SORBS2: variants seen among roughly 807,000 people sequenced by gnomAD.
SORBS2 encodes the protein sorbin and SH3 domain-containing protein 2.
Under a neutral mutation model 97.7 loss-of-function variants are expected in SORBS2, and 46 were observed. That is an observed-to-expected ratio of 0.47 (90% confidence interval 0.37 to 0.60). The LOEUF is 0.60. Among genes scored for constraint, SORBS2 ranks in the 20% least tolerant of loss-of-function variants. SORBS2 has a pLI of 0.00. For synonymous variants in SORBS2, 476 were observed against 473.4 expected, an observed-to-expected ratio of 1.01 and a Z score of -0.07; for missense variants, 1,316 against 1,282.3, an observed-to-expected ratio of 1.03 and a Z score of -0.40.
At chr4:185,844,825 A>G (rs578192204) in intron 1 of SORBS2, among the ~76,000 whole-genome samples, 1 of 152,310 alleles carries the variant, frequency 6.6e-6, no homozygotes, top group South Asian at 2.1e-4. Flanking sequence ...AACCTTGAGA[A>G]CTTATGCTAA....
intron 2 of SORBS2, among the ~76,000 whole-genome samples, chr4:185,709,537 T>C (rs1314814488): frequency 6.6e-6 from 1 of 152,080 alleles, no homozygotes; most frequent in Non-Finnish European, 1.5e-5. Context: ...AAAAGACATA[T>C]AAATTATAGC....
In SORBS2 at chr4:185,675,809, G is replaced by A. The variant is rs1046391616; in HGVS notation, c.-46+2614C>T. ...ATTAGAAGAAATTGCTCTACTGAACGAATTTTGCACATCTTGATTGGCTGA... is the reference window on the plus strand; with the variant it reads ...ATTAGAAGAAATTGCTCTACTGAACAAATTTTGCACATCTTGATTGGCTGA... On this transcript the variant is annotated intron_variant, in intron 4 of 20. Transcript: ENST00000284776. Among the ~76,000 whole-genome samples the A allele has an allele frequency of 1.5e-4, 23 of 152,184 alleles. 1 individual carries two copies. The highest frequency in any genetic ancestry group is 5.3e-4 in the African/African-American group (22 of 41,512).
Position 185,731,832 on chromosome 4 carries a change from T to TTCTC in SORBS2, c.-198+43391_-198+43394dup, listed in dbSNP as rs1201714307. ...CCTCCCTCCCTGCCTGTCTCTCTCT[T>TTCTC]TCTCTCTCTCTCTCTCTCTCTCTCT... On this transcript the variant is annotated intron_variant, in intron 2 of 20. Transcript: ENST00000284776. 6.6e-3 allele frequency among the ~76,000 whole-genome samples: 219 copies of TTCTC among 33,200 alleles called. 3 individuals carry two copies. The highest frequency in any genetic ancestry group is 0.016 in the East Asian group (10 of 640). The allele number at this position is 33,200 out of a possible 152,430, so 21.8% of individuals were successfully genotyped here.
chr4:185,839,626 G>T (rs536796072), intron 1 of SORBS2, among the ~76,000 whole-genome samples: 37 of 152,306 alleles, frequency 2.4e-4, no homozygotes, highest in African/African-American at 8.7e-4. Flanking sequence ...TTTGTTTATA[G>T]TGCTGTAAAG....
At chr4:185,712,941 T>G (rs555879372) in intron 2 of SORBS2, among the ~76,000 whole-genome samples, 3 of 152,278 alleles carry the variant, frequency 2.0e-5, no homozygotes, top group Admixed American at 2.0e-4. Flanking sequence ...AACACCTTAG[T>G]CTAGCTTTCC....
At chr4:185,805,390 C>T (rs1182365999) in intron 1 of SORBS2, among the ~76,000 whole-genome samples, 2 of 152,160 alleles carry the variant, frequency 1.3e-5, no homozygotes, top group African/African-American at 2.4e-5. Flanking sequence ...ATTAGCACAA[C>T]ACCGGGGAAG....
At chr4:185,709,245 C>T (rs915530703) in intron 2 of SORBS2, among the ~76,000 whole-genome samples, 11 of 147,566 alleles carry the variant, frequency 7.5e-5, no homozygotes, top group Admixed American at 4.9e-4. Flanking sequence ...GTCTTGAACT[C>T]CCGCCTTGGC....
At chr4:185,718,997 G>A (rs2098488688) in intron 2 of SORBS2, among the ~76,000 whole-genome samples, 1 of 152,088 alleles carries the variant, frequency 6.6e-6, no homozygotes, top group Non-Finnish European at 1.5e-5. Flanking sequence ...CTGCAAATGA[G>A]TCACACTCTC....
At chr4:185,842,976 G>A (rs1051034487) in intron 1 of SORBS2, among the ~76,000 whole-genome samples, 1 of 151,206 alleles carries the variant, frequency 6.6e-6, no homozygotes, top group African/African-American at 2.4e-5. Context: ...TCTAGGACAG[G>A]CAGCTGGCAG....
intron 2 of SORBS2, among the ~76,000 whole-genome samples, chr4:185,762,289 T>C (rs1405180625): frequency 2.0e-5 from 3 of 152,176 alleles, no homozygotes; most frequent in African/African-American, 7.2e-5. Context: ...AAGTGAGTTT[T>C]AGACGCATTG....
intron 2 of SORBS2, among the ~76,000 whole-genome samples, chr4:185,745,888 G>T (rs1264677508): frequency 6.6e-6 from 1 of 152,120 alleles, no homozygotes; most frequent in Non-Finnish European, 1.5e-5. Flanking sequence ...GAAAAGTGAG[G>T]CAGCCTAAGC....
intron 1 of SORBS2, among the ~76,000 whole-genome samples, chr4:185,886,364 G>C (rs2099239476): frequency 6.6e-6 from 1 of 151,922 alleles, no homozygotes; most frequent in Non-Finnish European, 1.5e-5. Context: ...GGCCAGCCTG[G>C]CTAACACAGT....
At chr4:185,742,768 T>C (rs13144644) in intron 2 of SORBS2, among the ~76,000 whole-genome samples, 6,814 of 152,306 alleles carry the variant, frequency 0.045, 215 homozygotes, top group Non-Finnish European at 0.07. Flanking sequence ...GCAAGAGGAA[T>C]ATTTGCCAAA....
At chr4:185,886,000 T>G (rs2099239215) in intron 1 of SORBS2, among the ~76,000 whole-genome samples, 1 of 152,180 alleles carries the variant, frequency 6.6e-6, no homozygotes, top group African/African-American at 2.4e-5. Context: ...ACATGTCTCT[T>G]GTAAGTTACT....
chr4:185,764,486 A>C lies in SORBS2; in HGVS notation c.-198+10741T>G, dbSNP rs529750756. Among the ~76,000 whole-genome samples the C allele has an allele frequency of 7.2e-5, 11 of 152,314 alleles. No individual in the cohort carries two copies. In the East Asian group the frequency reaches 9.6e-4, roughly 13 times the overall value. On this transcript the variant is annotated intron_variant, in intron 2 of 20. Coordinates refer to the SORBS2 transcript ENST00000284776. ...AAAGATGTTTGTCTGCTAAGGAACT[A>C]AATTCATTTTCTCTTTGAATTCACC...
chr4:185,738,263 C>T lies in SORBS2; in HGVS notation c.-198+36964G>A, dbSNP rs143913536. Among the ~76,000 whole-genome samples, 470 of 152,308 alleles carry T rather than the reference C, an allele frequency of 3.1e-3. 4 individuals are homozygous for T. Among genetic ancestry groups the T allele is most frequent in the Non-Finnish European group, 5.9e-3 (403 of 68,018 alleles). On this transcript the variant is annotated intron_variant, in intron 2 of 20. Coordinates refer to the SORBS2 transcript ENST00000284776. ...CAAATATTTTCTGAGAAATTGGCTG[C>T]TTTCGGGATTTTCTTAGAATGCCAT...
chr4:185,752,357 G>C lies in SORBS2; in HGVS notation c.-198+22870C>G, dbSNP rs552255962. 2.6e-5 allele frequency among the ~76,000 whole-genome samples: 4 copies of C among 152,194 alleles called. No homozygotes were observed. In the South Asian group the frequency reaches 8.3e-4, roughly 32 times the overall value. ...GTGGCACGATCTTGGCTCACTGCAA[G>C]CTCCGCCTCCCGGGTTCGCGCCATT... On this transcript the variant is annotated intron_variant, in intron 2 of 20. Coordinates refer to the SORBS2 transcript ENST00000284776.
intron 2 of SORBS2, among the ~76,000 whole-genome samples, chr4:185,722,422 G>C (rs1418630390): frequency 6.6e-6 from 1 of 152,140 alleles, no homozygotes; most frequent in Non-Finnish European, 1.5e-5. Context: ...GCATTATTTG[G>C]AAAACAGTCT....
chr4:185,940,832 G>T (rs2149998279), intron 1 of SORBS2, among the ~76,000 whole-genome samples: 1 of 152,188 alleles, frequency 6.6e-6, no homozygotes, highest in South Asian at 2.1e-4. Flanking sequence ...GTCCTATATT[G>T]CCCTATCTAA....
Sources: allele counts gnomAD v4.1 joint callset (sites outside exome capture counted in the v4.1 genomes callset), GRCh38; gene constraint gnomAD v4.1.1; transcripts MANE v1.5; gene names NCBI Gene and HGNC (gene_info 2026-07-23, HGNC 2026-07-21).